The following SLC2A13 variants were observed in gnomAD, a reference collection of about 807,000 sequenced individuals.
SLC2A13 encodes the protein solute carrier family 2 member 13, also known as proton myo-inositol cotransporter.
In SLC2A13, 32 loss-of-function variants were observed where a neutral mutation model predicts 64.4. The ratio of observed to expected loss-of-function variants is 0.50; its 90% confidence interval spans 0.37 to 0.67. SLC2A13 has a LOEUF of 0.67. SLC2A13 is among the 30% of genes least tolerant of loss of function. The pLI, the probability that SLC2A13 is intolerant of heterozygous loss-of-function variation, is 0.00. For synonymous variants in SLC2A13, 338 were observed against 327.1 expected, an observed-to-expected ratio of 1.03 and a Z score of -0.36; for missense variants, 743 against 829.2, an observed-to-expected ratio of 0.90 and a Z score of 1.28.
intron 3 of SLC2A13, among the ~76,000 whole-genome samples, chr12:39,993,721 C>G (rs1008427691): frequency 6.6e-6 from 1 of 152,078 alleles, no homozygotes; most frequent in African/African-American, 2.4e-5. Context: ...AGGTCATGAG[C>G]CATTAATTGA....
In SLC2A13 at chr12:40,106,075, A is replaced by AGCGG. The variant is rs1939303919; in HGVS notation, c.-271_-268dup. 3.1e-6 allele frequency: 1 copy of AGCGG among 317,908 alleles called. No homozygotes were observed. The highest frequency in any genetic ancestry group is 5.1e-5 in the Admixed American group (1 of 19,586). 19.7% of individuals were successfully genotyped at this position (317,908 alleles called of 1,614,324 possible). A position where few individuals can be genotyped will look rare whatever the true frequency, so the allele number is the denominator to read the frequency against. ...CGCGCCTGCCGAGCTGGCGCTGCGG[A>AGCGG]GCGGGCGGGAGGCGGGACCGCGGGT... On this transcript the variant is annotated 5_prime_UTR_variant, in exon 1 of 10. Transcript: ENST00000280871.
intron 3 of SLC2A13, among the ~76,000 whole-genome samples, chr12:39,994,386 AAAAAAAAAAAC>A (rs1335498529): frequency 6.6e-6 from 1 of 151,766 alleles, no homozygotes; most frequent in African/African-American, 2.4e-5. Flanking sequence ...CCATCTCAAA[AAAAAAAAAAAC>A]AAAAAAAAAC....
At chr12:39,896,682 C>A (rs1477587176) in intron 4 of SLC2A13, among the ~76,000 whole-genome samples, 1 of 151,562 alleles carries the variant, frequency 6.6e-6, no homozygotes, top group African/African-American at 2.4e-5. Context: ...ATATTAATAT[C>A]CCTCGTTATC....
chr12:39,865,314 A>G (rs557424029), intron 5 of SLC2A13, among the ~76,000 whole-genome samples: 2 of 152,354 alleles, frequency 1.3e-5, no homozygotes, highest in Non-Finnish European at 2.9e-5. Flanking sequence ...ATGACATTCA[A>G]TCATGTAAGA....
Position 40,105,324 on chromosome 12 carries a change from G to A in SLC2A13, c.485C>T (p.Ser162Phe). ...LLASALFTAG[S>F]AVLAAANNKE... is the part of the protein sequence containing the mutation. ...GTTGTTGGCCGCAGCCAGCACCGCG[G>A]AGCCGGCGGTGAAGAGGGCACTGGC... is the stretch of plus-strand genomic sequence containing the variant. Residue 162 changes from serine to phenylalanine, a missense_variant, in exon 1 of 10, where the codon TCC (serine) becomes TTC (phenylalanine). By Grantham distance (155) the Ser-to-Phe change is radical. Coordinates refer to ENST00000280871, the MANE Select transcript of SLC2A13 (RefSeq NM_052885.4). This position sits in a 1 kb window ranked among gnomAD's most constrained non-coding sequence, Gnocchi z 4.2. 3 of 1,599,586 alleles carry A rather than the reference G, an allele frequency of 1.9e-6. No homozygotes were observed. The highest frequency in any genetic ancestry group is 2.6e-6 in the Non-Finnish European group (3 of 1,174,696).
At chr12:39,773,367 A>G (rs1428286765) in intron 7 of SLC2A13, among the ~76,000 whole-genome samples, 1 of 152,164 alleles carries the variant, frequency 6.6e-6, no homozygotes, top group Non-Finnish European at 1.5e-5. Flanking sequence ...GACCAAATAA[A>G]TAATCGGTTC....
At chr12:39,945,815 T>A (rs1262898866) in intron 4 of SLC2A13, among the ~76,000 whole-genome samples, 9 of 152,222 alleles carry the variant, frequency 5.9e-5, no homozygotes, top group Non-Finnish European at 1.2e-4. Flanking sequence ...CCCTCCCTGA[T>A]TAGCTTAATA....
intron 3 of SLC2A13, among the ~76,000 whole-genome samples, chr12:39,994,878 T>C (rs998795898): frequency 2.0e-5 from 3 of 152,220 alleles, no homozygotes; most frequent in Non-Finnish European, 4.4e-5. Context: ...TATGAAAAGA[T>C]AGTACAATTT....
chr12:39,782,888 T>C (rs1172063821), intron 7 of SLC2A13, among the ~76,000 whole-genome samples: 5 of 152,210 alleles, frequency 3.3e-5, no homozygotes, highest in African/African-American at 4.8e-5. Context: ...TTATTTTTTA[T>C]ACTTTAAGTT....
chr12:40,071,289 T>C (rs1937945684), intron 1 of SLC2A13, among the ~76,000 whole-genome samples: 1 of 152,138 alleles, frequency 6.6e-6, no homozygotes, highest in Non-Finnish European at 1.5e-5. Flanking sequence ...GTCTCGAAAT[T>C]CTATTGATAT....
intron 4 of SLC2A13, among the ~76,000 whole-genome samples, chr12:39,924,887 G>T (rs1020035883): frequency 2.0e-5 from 3 of 151,826 alleles, no homozygotes. Context: ...CTTTGTCTAT[G>T]TAATACATTG....
At chr12:40,080,812 T>C (rs1310259313) in intron 1 of SLC2A13, among the ~76,000 whole-genome samples, 1 of 152,272 alleles carries the variant, frequency 6.6e-6, no homozygotes, top group Non-Finnish European at 1.5e-5. Flanking sequence ...GGCTAGGTAC[T>C]TAAGTGTTTT....
chr12:39,871,822 T>G lies in SLC2A13; in HGVS notation c.1174A>C (p.Lys392Gln). 2.5e-6 allele frequency: 4 copies of G among 1,610,938 alleles called. No homozygotes were observed. The highest frequency in any genetic ancestry group is 3.4e-6 in the Non-Finnish European group (4 of 1,178,742). ...VWLVEKVGRR[K>Q]LTFGSLAGTT... ...CCTGCTAAACTACCAAAGGTAAGCT[T>G]TCTGCGGCCCACCTTCTCAACAAGC... is the stretch of plus-strand genomic sequence containing the variant. Residue 392 changes from lysine to glutamine, a missense_variant, in exon 5 of 10, where the codon AAG (lysine) becomes CAG (glutamine). Physicochemically the swap from Lys to Gln is moderately conservative, Grantham distance 53. Coordinates refer to ENST00000280871, the MANE Select transcript of SLC2A13 (RefSeq NM_052885.4).
intron 7 of SLC2A13, among the ~76,000 whole-genome samples, chr12:39,805,110 T>A (rs575653518): frequency 1.6e-5 from 2 of 127,584 alleles, no homozygotes; most frequent in South Asian, 5.9e-4. Context: ...GTGACGACAA[T>A]GGAGGGAGCC....
chr12:40,100,011 T>C (rs1276991989), intron 1 of SLC2A13, among the ~76,000 whole-genome samples: 1 of 152,226 alleles, frequency 6.6e-6, no homozygotes, highest in Non-Finnish European at 1.5e-5. Context: ...CATTCTTTGT[T>C]GACATTGATC....
chr12:39,917,134 A>G (rs1276589769), intron 4 of SLC2A13, among the ~76,000 whole-genome samples: 3 of 152,140 alleles, frequency 2.0e-5, no homozygotes, highest in African/African-American at 7.2e-5. Context: ...TGTGCAAACA[A>G]ATCTAAAATT....
At chr12:39,837,262 G>A (rs1188769190) in intron 6 of SLC2A13, among the ~76,000 whole-genome samples, 1 of 150,502 alleles carries the variant, frequency 6.6e-6, no homozygotes, top group Non-Finnish European at 1.5e-5. Context: ...TTTAATAAAT[G>A]GTGCTGGGAA....
At chr12:40,058,852 T>C (rs1948374460) in intron 1 of SLC2A13, among the ~76,000 whole-genome samples, 1 of 152,188 alleles carries the variant, frequency 6.6e-6, no homozygotes, top group South Asian at 2.1e-4. Context: ...TGACAAACAC[T>C]TCATGAACGA....
intron 1 of SLC2A13, among the ~76,000 whole-genome samples, chr12:40,097,049 CCTTT>C (rs1372414226): frequency 6.6e-6 from 1 of 152,114 alleles, no homozygotes; most frequent in Non-Finnish European, 1.5e-5. Context: ...CTCTACACTT[CCTTT>C]AATTCATACT....
Sources: gnomAD v4.1 joint callset for allele counts (sites outside exome capture counted in the v4.1 genomes callset) on GRCh38, gnomAD v4.1.1 for gene constraint, Gnocchi (gnomAD v3.1) non-coding constraint, MANE v1.5 for transcripts, NCBI Gene and HGNC (gene_info 2026-07-23, HGNC 2026-07-21) for gene names.